The following SYNE1 variants were observed in gnomAD, a reference collection of about 807,000 sequenced individuals.
SYNE1 encodes the protein spectrin repeat containing nuclear envelope protein 1.
SYNE1 carries 616 observed loss-of-function variants against 1,111.0 expected under a neutral mutation model. The ratio of observed to expected loss-of-function variants is 0.55; its 90% confidence interval spans 0.52 to 0.59. The LOEUF (loss-of-function observed/expected upper bound fraction) is 0.59, where lower values mean the gene tolerates loss of function less well. SYNE1 is among the 20% of genes least tolerant of loss of function. The pLI, the probability that SYNE1 is intolerant of heterozygous loss-of-function variation, is 0.00. For synonymous variants in SYNE1, 3,855 were observed against 3,825.8 expected (o/e 1.01, Z -0.28); for missense variants, 10,006 against 10,417.0 (o/e 0.96, Z 1.72).
At chr6:152,543,753 C>T (rs1037437391) in intron 3 of SYNE1, among the ~76,000 whole-genome samples, 2 of 152,144 alleles carry the variant, frequency 1.3e-5, no homozygotes, top group Non-Finnish European at 2.9e-5. Flanking sequence ...TGTAGGGCAA[C>T]CCATTGCTTT....
intron 104 of SYNE1, among the ~76,000 whole-genome samples, chr6:152,253,137 G>A (rs1002122193): frequency 1.3e-5 from 2 of 152,062 alleles, no homozygotes; most frequent in Non-Finnish European, 2.9e-5. Flanking sequence ...ACTGGCAAAG[G>A]ATATTGGATA....
intron 3 of SYNE1, among the ~76,000 whole-genome samples, chr6:152,595,267 G>A (rs1321585441): frequency 6.6e-6 from 1 of 152,122 alleles, no homozygotes; most frequent in Non-Finnish European, 1.5e-5. Context: ...CTGAGCCCCA[G>A]CCTGTTCAAT....
At chr6:152,456,976 A>G (rs2098700757) in intron 22 of SYNE1, among the ~76,000 whole-genome samples, 2 of 152,200 alleles carry the variant, frequency 1.3e-5, no homozygotes, top group South Asian at 4.1e-4. Flanking sequence ...TCCAAAATGT[A>G]TTATTAGATT....
intron 9 of SYNE1, among the ~76,000 whole-genome samples, chr6:152,504,502 AT>A (rs1254392069): frequency 6.6e-6 from 1 of 152,192 alleles, no homozygotes; most frequent in Non-Finnish European, 1.5e-5. Context: ...GAGGGGAAAA[AT>A]AATTTGCTTT....
chr6:152,317,773 A>G (rs1414140574), intron 86 of SYNE1, among the ~76,000 whole-genome samples: 1 of 152,236 alleles, frequency 6.6e-6, no homozygotes, highest in Non-Finnish European at 1.5e-5. Flanking sequence ...AACTGATTTC[A>G]TAAAACACGT....
In SYNE1 at chr6:152,269,205, C is replaced by A; in HGVS notation, c.18655G>T (p.Ala6219Ser). The A allele has an allele frequency of 6.2e-7, 1 of 1,614,192 alleles. No homozygotes were observed. The highest frequency in any genetic ancestry group is 2.2e-5 in the East Asian group (1 of 44,880). Residue 6219 changes from alanine (A) to serine (S), a missense_variant, in exon 99 of 146, where the codon GCT becomes TCT. This residue lies in a region of SYNE1 where 2,182 missense variants were observed against 2,287.8 expected (regional missense o/e 0.95). Coordinates refer to ENST00000367255, the MANE Select transcript of SYNE1 (RefSeq NM_182961.4). ...SPGVQEWLAQ[A>S]RTTWTQQRQS... Reference sequence around the variant, plus strand: ...CGCTGCTGGGTCCATGTGGTGCGAGCTTGGGCCAGCCATTCCTGGACGCCG... The same window carrying A: ...CGCTGCTGGGTCCATGTGGTGCGAGATTGGGCCAGCCATTCCTGGACGCCG...
chr6:152,284,314 T>C (rs1019512201), intron 95 of SYNE1, 142 bp from the exon 96 acceptor site: 5 of 850,592 alleles, frequency 5.9e-6, no homozygotes, highest in African/African-American at 5.0e-5. Context: ...AATAGCAGCC[T>C]ACTCACCTAC....
At chr6:152,408,032 C>T (rs1021000850) in intron 44 of SYNE1, among the ~76,000 whole-genome samples, 3 of 151,786 alleles carry the variant, frequency 2.0e-5, no homozygotes, top group Non-Finnish European at 2.9e-5. Context: ...CAAAGTGCTG[C>T]GATTACAGGT....
At chr6:152,568,655 A>G (rs2099429135) in intron 3 of SYNE1, among the ~76,000 whole-genome samples, 1 of 152,150 alleles carries the variant, frequency 6.6e-6, no homozygotes, top group South Asian at 2.1e-4. Flanking sequence ...AATAGAGTGC[A>G]GTGGCTATTC....
intron 3 of SYNE1, among the ~76,000 whole-genome samples, chr6:152,573,492 T>A (rs1322549306): frequency 6.6e-6 from 1 of 152,030 alleles, no homozygotes; most frequent in African/African-American, 2.4e-5. Flanking sequence ...CTGACATTTT[T>A]AACTGAAACT....
intron 105 of SYNE1, among the ~76,000 whole-genome samples, chr6:152,244,880 T>C (rs1409349372): frequency 2.0e-5 from 3 of 152,032 alleles, no homozygotes; most frequent in Non-Finnish European, 4.4e-5. Flanking sequence ...TTACAGATAA[T>C]GAGGCAGGAG....
At chr6:152,525,976 CTT>C in intron 5 of SYNE1, 102 bp downstream of exon 5, 1 of 1,042,732 alleles carries the variant, frequency 9.6e-7, no homozygotes, top group East Asian at 2.5e-5. Flanking sequence ...CGACAAATAA[CTT>C]TCTTTTACCT....
chr6:152,586,655 TACACAC>T (rs10530898), intron 3 of SYNE1, among the ~76,000 whole-genome samples: 275 of 149,456 alleles, frequency 1.8e-3, no homozygotes, highest in African/African-American at 3.7e-3. Flanking sequence ...CATACTCTCA[TACACAC>T]ACACACACAC....
intron 11 of SYNE1, among the ~76,000 whole-genome samples, chr6:152,494,728 C>A: frequency 6.6e-6 from 1 of 152,166 alleles, no homozygotes; most frequent in South Asian, 2.1e-4. Context: ...GGTCCTCCAT[C>A]GTTAATGACT....
rs2154239316 is a variant in SYNE1 at position 152,444,438 on chromosome 6, T to C, written c.3810A>G (p.Glu1270=). 2.5e-6 allele frequency: 4 copies of C among 1,614,008 alleles called. No individual in the cohort carries two copies. The South Asian group carries it at 3.3e-5, about 13-fold the overall frequency. Residue 1270 remains glutamate (E), a synonymous_variant, in exon 30 of 146, where the codon GAA becomes GAG. Transcript: ENST00000367255. ...EKILDTENLF[E]AQQLLLHHQQ... The stretch of plus-strand genomic sequence containing the variant: ...GGTGATGAAGAAGTAACTGCTGTGC[T>C]TCAAACAGATTTTCAGTATCCAAGA...
chr6:152,143,926 T>C (rs1586069553), intron 137 of SYNE1, 161 bp from the exon 138 acceptor site: 2 of 1,049,940 alleles, frequency 1.9e-6, no homozygotes, highest in Non-Finnish European at 2.8e-6. Flanking sequence ...TGCCGGTGGG[T>C]TAGACATTAA....
At chr6:152,534,226 A>G (rs1022721444) in intron 4 of SYNE1, among the ~76,000 whole-genome samples, 1 of 151,984 alleles carries the variant, frequency 6.6e-6, no homozygotes. Flanking sequence ...ATAAAATAAT[A>G]TATTTCTAAA....
chr6:152,343,582 G>T (rs918895447), intron 74 of SYNE1, among the ~76,000 whole-genome samples: 4 of 150,986 alleles, frequency 2.6e-5, no homozygotes, highest in Admixed American at 6.6e-5. Context: ...AAGCTGGAGT[G>T]CAGTGGCATG....
chr6:152,202,426 C>T (rs1250209898), intron 126 of SYNE1, among the ~76,000 whole-genome samples: 1 of 148,734 alleles, frequency 6.7e-6, no homozygotes, highest in African/African-American at 2.5e-5. Flanking sequence ...TATGCCCACA[C>T]TCATTGCCAG....
Sources: allele counts gnomAD v4.1 joint callset (sites outside exome capture counted in the v4.1 genomes callset), GRCh38; gene constraint gnomAD v4.1.1; regional missense constraint gnomAD v4.1.1; transcripts MANE v1.5; gene names NCBI Gene and HGNC (gene_info 2026-07-23, HGNC 2026-07-21).